The following CCDC178 variants were observed in gnomAD, a reference collection of about 807,000 sequenced individuals.
CCDC178 encodes the protein coiled-coil domain-containing protein 178.
CCDC178 carries 126 observed loss-of-function variants against 117.4 expected under a neutral mutation model. The observed-to-expected ratio is 1.07, with a 90% confidence interval of 0.93 to 1.24. The LOEUF (loss-of-function observed/expected upper bound fraction) is 1.24, where lower values mean the gene tolerates loss of function less well. CCDC178 is among the 50% of genes most tolerant of loss of function. The pLI, the probability that CCDC178 is intolerant of heterozygous loss-of-function variation, is 0.00. For synonymous variants in CCDC178, 283 were observed against 313.4 expected, an observed-to-expected ratio of 0.90 and a Z score of 1.02; for missense variants, 1,030 against 986.9, an observed-to-expected ratio of 1.04 and a Z score of -0.59.
At position 32,970,283 on chromosome 18, in the gene CCDC178, G is replaced by A. The variant is rs369039888; in HGVS notation, c.2523+4264C>T. On this transcript the variant is annotated intron_variant, in intron 22 of 22. Coordinates refer to ENST00000383096, the MANE Select transcript of CCDC178 (RefSeq NM_001105528.4). ...GCCAGTCATGCCTTTGTGTGGCCCT[G>A]TAAGGAATTGTTCCAAGGCCAAGGA... Among the ~76,000 whole-genome samples the A allele has an allele frequency of 8.6e-5, 13 of 151,872 alleles. 1 individual carries two copies. The East Asian group carries it at 1.6e-3, about 18-fold the overall frequency.
At chr18:33,198,910 A>C (rs2058963226) in intron 20 of CCDC178, among the ~76,000 whole-genome samples, 1 of 152,154 alleles carries the variant, frequency 6.6e-6, no homozygotes, top group Non-Finnish European at 1.5e-5. Flanking sequence ...TGTAAGGCTA[A>C]TATGCTTCTC....
chr18:32,983,066 G>T (rs1334000632), intron 21 of CCDC178, among the ~76,000 whole-genome samples: 3 of 151,088 alleles, frequency 2.0e-5, no homozygotes, highest in Non-Finnish European at 3.0e-5. Context: ...TGGAAAGGGG[G>T]TATTCAGAAA....
At chr18:33,267,980 G>T (rs960588454) in intron 12 of CCDC178, among the ~76,000 whole-genome samples, 1 of 151,396 alleles carries the variant, frequency 6.6e-6, no homozygotes, top group Non-Finnish European at 1.5e-5. Flanking sequence ...ACAAAAAGAA[G>T]AGGACCTATA....
intron 21 of CCDC178, among the ~76,000 whole-genome samples, chr18:33,047,551 T>C (rs960554720): frequency 2.6e-5 from 4 of 152,228 alleles, no homozygotes; most frequent in African/African-American, 9.6e-5. Flanking sequence ...AAGTTCTTTT[T>C]TTCTGGCCAA....
At chr18:33,280,127 C>CT (rs1308671883) in intron 12 of CCDC178, among the ~76,000 whole-genome samples, 3 of 151,276 alleles carry the variant, frequency 2.0e-5, no homozygotes, top group Non-Finnish European at 4.4e-5. Context: ...TCAAGAGCTT[C>CT]TGCACAGCAA....
At chr18:32,992,106 T>G (rs891992290) in intron 21 of CCDC178, among the ~76,000 whole-genome samples, 1 of 152,186 alleles carries the variant, frequency 6.6e-6, no homozygotes, top group Non-Finnish European at 1.5e-5. Flanking sequence ...TTTATTATAT[T>G]TTCTGTCATG....
chr18:33,063,218 G>T (rs184721726), intron 21 of CCDC178, among the ~76,000 whole-genome samples: 38 of 152,264 alleles, frequency 2.5e-4, no homozygotes, highest in Middle Eastern at 3.4e-3. Flanking sequence ...GCCATTGCCA[G>T]TGCCAACACA....
intron 5 of CCDC178, among the ~76,000 whole-genome samples, chr18:33,377,770 T>C (rs577767675): frequency 9.1e-4 from 138 of 152,272 alleles, no homozygotes; most frequent in Middle Eastern, 3.4e-3. Context: ...GTGTGAGGTT[T>C]TACTTCTAGG....
chr18:32,974,939 G>T (rs189685071), intron 21 of CCDC178, among the ~76,000 whole-genome samples: 2 of 152,202 alleles, frequency 1.3e-5, no homozygotes, highest in Admixed American at 1.3e-4. Context: ...TCTAGCTGAG[G>T]CAAACTCTGT....
At chr18:32,982,922 A>C (rs546840506) in intron 21 of CCDC178, among the ~76,000 whole-genome samples, 106 of 152,206 alleles carry the variant, frequency 7.0e-4, no homozygotes, top group African/African-American at 2.4e-3. Flanking sequence ...AAACCCATAG[A>C]ATGTACAACA....
chr18:33,241,572 A>G (rs886596035), intron 15 of CCDC178, among the ~76,000 whole-genome samples: 6 of 151,586 alleles, frequency 4.0e-5, no homozygotes, highest in Non-Finnish European at 8.9e-5. Flanking sequence ...TACATGAACA[A>G]TGAACTAGCT....
At chr18:33,124,678 C>T (rs915240457) in intron 20 of CCDC178, among the ~76,000 whole-genome samples, 27 of 152,240 alleles carry the variant, frequency 1.8e-4, no homozygotes, top group African/African-American at 6.0e-4. Context: ...AAGGATAATA[C>T]TGAAGGATAT....
At chr18:33,400,368 T>TC (rs1440580692) in intron 3 of CCDC178, among the ~76,000 whole-genome samples, 6 of 152,170 alleles carry the variant, frequency 3.9e-5, no homozygotes, top group African/African-American at 1.2e-4. Flanking sequence ...TTATTTCTCC[T>TC]CCCCAGCTAT....
At chr18:33,237,767 A>C (rs1370893965) in intron 15 of CCDC178, among the ~76,000 whole-genome samples, 2 of 150,246 alleles carry the variant, frequency 1.3e-5, no homozygotes, top group African/African-American at 2.5e-5. Context: ...CCTGGTCCCA[A>C]GACTGAAAAA....
Position 33,158,500 on chromosome 18 carries a change from T to G in CCDC178, c.2238+53396A>C, listed in dbSNP as rs1158949212. ...TTTTGCAATTTAAAAAAACTAAAAT[T>G]TTTATAAACAATATGCATTATAATT... On this transcript the variant is annotated intron_variant, in intron 20 of 22. Transcript: ENST00000383096. 2.6e-5 allele frequency among the ~76,000 whole-genome samples: 4 copies of G among 152,104 alleles called. No individual in the cohort carries two copies. The East Asian group carries it at 7.7e-4, about 29-fold the overall frequency.
intron 20 of CCDC178, among the ~76,000 whole-genome samples, chr18:33,194,900 C>CAAAAAAAAAA (rs530764182): frequency 4.6e-4 from 26 of 56,108 alleles, no homozygotes; most frequent in Non-Finnish European, 6.4e-4. Flanking sequence ...TCTGTTTCTA[C>CAAAAAAAAAA]AAAAAAAAAA....
intron 21 of CCDC178, among the ~76,000 whole-genome samples, chr18:33,026,566 T>G (rs2056233630): frequency 6.6e-6 from 1 of 152,036 alleles, no homozygotes; most frequent in African/African-American, 2.4e-5. Context: ...CATCCTTAGA[T>G]GTACTAATAC....
At chr18:32,984,143 C>A (rs889408089) in intron 21 of CCDC178, among the ~76,000 whole-genome samples, 1 of 151,882 alleles carries the variant, frequency 6.6e-6, no homozygotes, top group East Asian at 1.9e-4. Context: ...ATAAGACCCA[C>A]GTGCACTCCC....
intron 11 of CCDC178, among the ~76,000 whole-genome samples, chr18:33,298,664 C>T (rs570522391): frequency 1.8e-4 from 27 of 152,224 alleles, no homozygotes; most frequent in African/African-American, 6.5e-4. Flanking sequence ...TACAGGGCAG[C>T]ATCTATTTTG....
Sources: allele counts gnomAD v4.1 joint callset (sites outside exome capture counted in the v4.1 genomes callset), GRCh38; gene constraint gnomAD v4.1.1; transcripts MANE v1.5; gene names NCBI Gene and HGNC (gene_info 2026-07-23, HGNC 2026-07-21).